Variants in CPNE4 observed in about 807,000 individuals in gnomAD.
CPNE4 encodes the protein copine-4.
CPNE4 carries 25 observed loss-of-function variants against 67.9 expected under a neutral mutation model. The observed-to-expected ratio is 0.37, with a 90% CI of 0.27 to 0.51. The LOEUF is 0.51. CPNE4 is among the 20% of genes least tolerant of loss of function. CPNE4 has a pLI of 0.93. For missense variants in CPNE4, 464 were observed against 690.8 expected (o/e 0.67, Z 3.68); for synonymous variants, 242 against 244.9 (o/e 0.99, Z 0.11).
chr3:131,786,602 T>C (rs1011740364), intron 2 of CPNE4, among the ~76,000 whole-genome samples: 1 of 152,136 alleles, frequency 6.6e-6, no homozygotes, highest in African/African-American at 2.4e-5. Context: ...CACAGTTGAT[T>C]AGTGGCCAAG....
chr3:131,660,301 C>T (rs562556712), intron 7 of CPNE4, among the ~76,000 whole-genome samples: 1 of 151,910 alleles, frequency 6.6e-6, no homozygotes, highest in South Asian at 2.1e-4. Context: ...GTACAACAGC[C>T]CATTTCTTCC....
intron 2 of CPNE4, among the ~76,000 whole-genome samples, chr3:131,865,306 G>A (rs2086891978): frequency 6.6e-6 from 1 of 152,108 alleles, no homozygotes; most frequent in Non-Finnish European, 1.5e-5. Flanking sequence ...TGTACCTCTG[G>A]TAGAATTCGG....
intron 15 of CPNE4, among the ~76,000 whole-genome samples, chr3:131,537,244 T>G (rs957207386): frequency 6.6e-6 from 1 of 151,732 alleles, no homozygotes; most frequent in African/African-American, 2.4e-5. Flanking sequence ...GAGGTCATGG[T>G]GCTAGTGTTC....
intron 10 of CPNE4, among the ~76,000 whole-genome samples, chr3:131,565,115 CA>C (rs1276514633): frequency 6.6e-6 from 1 of 151,808 alleles, no homozygotes; most frequent in Non-Finnish European, 1.5e-5. Context: ...AAAGAAAGAA[CA>C]AAAAATGCTT....
At chr3:131,669,568 G>T in intron 7 of CPNE4, 107 bp downstream of exon 7, 1 of 802,804 alleles carries the variant, frequency 1.2e-6, no homozygotes, top group Non-Finnish European at 2.0e-6. Flanking sequence ...AGAGGGTTGG[G>T]TACAGTGTAA....
intron 1 of CPNE4, among the ~76,000 whole-genome samples, chr3:131,999,682 A>G (rs2073380471): frequency 6.6e-6 from 1 of 152,080 alleles, no homozygotes; most frequent in Non-Finnish European, 1.5e-5. Flanking sequence ...ATGATATGAT[A>G]AAGCAATTGA....
chr3:132,035,022 A>G (rs1334600104), upstream of CPNE4: 17 of 985,396 alleles, frequency 1.7e-5, no homozygotes, highest in East Asian at 2.3e-4. Context: ...GACGAATCCC[A>G]TGCACCCAGC....
chr3:131,617,526 CT>C lies in CPNE4; in HGVS notation c.682-29945del, dbSNP rs1352633904. Among the ~76,000 whole-genome samples, 4 of 152,150 alleles carry C rather than the reference CT, an allele frequency of 2.6e-5. No individual in the cohort carries two copies. In the East Asian group the frequency reaches 7.7e-4, roughly 29 times the overall value. On this transcript the variant is annotated intron_variant, in intron 7 of 15. Transcript: ENST00000429747. The stretch of plus-strand genomic sequence containing the variant: ...ATACTCTGATTTCTAATACAGACGC[CT>C]TTTCAATAAATAATTTATTTGAAAA...
chr3:131,912,185 T>C (rs2089004317), intron 1 of CPNE4, among the ~76,000 whole-genome samples: 1 of 152,166 alleles, frequency 6.6e-6, no homozygotes, highest in African/African-American at 2.4e-5. Flanking sequence ...TAATTGTCCT[T>C]TCACTGAGAT....
At chr3:131,663,248 C>T (rs191424318) in intron 7 of CPNE4, among the ~76,000 whole-genome samples, 4 of 151,066 alleles carry the variant, frequency 2.6e-5, no homozygotes, top group East Asian at 3.9e-4. Flanking sequence ...ACTCATAAGT[C>T]GGAGTGGAAA....
At chr3:131,916,703 T>A (rs758433077) in intron 1 of CPNE4, among the ~76,000 whole-genome samples, 1 of 152,216 alleles carries the variant, frequency 6.6e-6, no homozygotes, top group African/African-American at 2.4e-5. Context: ...GTATTGGTGA[T>A]GGACAATACA....
Position 131,534,127 on chromosome 3 carries a change from G to A in CPNE4, c.*1068C>T, listed in dbSNP as rs1935012612. The A allele has an allele frequency of 6.6e-6, 1 of 152,186 alleles. No homozygotes were observed. Among genetic ancestry groups the A allele is most frequent in the Non-Finnish European group, 1.5e-5 (1 of 68,066 alleles). The allele number at this position is 152,186 out of a possible 1,614,324, so 9.4% of individuals were successfully genotyped here. On this transcript the variant is annotated 3_prime_UTR_variant, in exon 16 of 16. Coordinates refer to ENST00000429747, the MANE Select transcript of CPNE4 (RefSeq NM_130808.3). ...CTATTGTTGTGGTTCCAGTGAAGAC[G>A]CTTTGAGATCACTTCTAGGGATTGA...
intron 1 of CPNE4, among the ~76,000 whole-genome samples, chr3:132,028,933 T>C (rs993259415): frequency 2.0e-5 from 3 of 151,932 alleles, no homozygotes; most frequent in African/African-American, 7.2e-5. Flanking sequence ...TCTTTTTTTT[T>C]TTTTTAAAGG....
At chr3:131,798,560 C>T (rs1380752901) in intron 2 of CPNE4, among the ~76,000 whole-genome samples, 2 of 152,110 alleles carry the variant, frequency 1.3e-5, no homozygotes, top group Non-Finnish European at 2.9e-5. Flanking sequence ...CACCTAGGAA[C>T]ATCATCCAGC....
rs531540166 is a variant in CPNE4 at position 131,975,725 on chromosome 3, T to C, written c.-2+58842A>G. The stretch of plus-strand genomic sequence containing the variant: ...ACTTTGTAAGGTAGGGAAATCAGAG[T>C]ATAGGCTGAAGTTCTTAGCACTTCT... On this transcript the variant is annotated intron_variant, in intron 1 of 15. Coordinates refer to ENST00000429747, the MANE Select transcript of CPNE4 (RefSeq NM_130808.3). Among the ~76,000 whole-genome samples the C allele has an allele frequency of 2.6e-5, 4 of 152,238 alleles. No individual in the cohort carries two copies. The East Asian group carries it at 7.7e-4, about 29-fold the overall frequency.
At chr3:131,664,808 G>A (rs898626973) in intron 7 of CPNE4, among the ~76,000 whole-genome samples, 12 of 152,182 alleles carry the variant, frequency 7.9e-5, no homozygotes, top group African/African-American at 2.9e-4. Flanking sequence ...ACTCTAATAT[G>A]CTTTAGAAAT....
intron 1 of CPNE4, among the ~76,000 whole-genome samples, chr3:131,967,993 A>G (rs561774039): frequency 6.6e-5 from 10 of 152,222 alleles, no homozygotes; most frequent in Admixed American, 2.6e-4. Flanking sequence ...CAGCATGGTA[A>G]TGGTACCAAA....
At chr3:131,892,122 A>C (rs1035405940) in intron 2 of CPNE4, among the ~76,000 whole-genome samples, 3 of 152,146 alleles carry the variant, frequency 2.0e-5, no homozygotes, top group Non-Finnish European at 4.4e-5. Context: ...AAAAAAGGTA[A>C]GCTGGAGATC....
intron 6 of CPNE4, among the ~76,000 whole-genome samples, chr3:131,673,095 T>C (rs77668634): frequency 0.15 from 22,382 of 152,048 alleles, 3,368 homozygotes; most frequent in East Asian, 0.36. Flanking sequence ...TTCAAGAGAC[T>C]ATCCTTTCCA....
Sources: allele counts gnomAD v4.1 joint callset (sites outside exome capture counted in the v4.1 genomes callset), GRCh38; gene constraint gnomAD v4.1.1; transcripts MANE v1.5; gene names NCBI Gene and HGNC (gene_info 2026-07-23, HGNC 2026-07-21).